MYH10: variants seen among roughly 807,000 people sequenced by gnomAD.
MYH10 encodes the protein myosin heavy chain 10, also known as myosin-10.
Under a neutral mutation model 257.8 loss-of-function variants are expected in MYH10, and 55 were observed. The observed-to-expected ratio is 0.21, with a 90% CI of 0.17 to 0.27. MYH10 has a LOEUF of 0.27. Among genes scored for constraint, MYH10 ranks in the 10% least tolerant of loss-of-function variants. MYH10 has a pLI of 1.00. For synonymous variants in MYH10, 854 were observed against 921.7 expected (o/e 0.93, Z 1.33); for missense variants, 1,631 against 2,500.6 (o/e 0.65, Z 7.42).
chr17:8,622,085 T>C (rs1276792090), intron 2 of MYH10, among the ~76,000 whole-genome samples: 1 of 152,208 alleles, frequency 6.6e-6, no homozygotes, highest in Non-Finnish European at 1.5e-5. Context: ...TTGTGTAAAA[T>C]TCAACACCCC....
intron 14 of MYH10, among the ~76,000 whole-genome samples, chr17:8,541,230 A>G (rs2082280533): frequency 6.6e-6 from 1 of 152,228 alleles, no homozygotes; most frequent in Non-Finnish European, 1.5e-5. Context: ...AGTGGCAACC[A>G]GAGATTGAGC....
intron 25 of MYH10, among the ~76,000 whole-genome samples, chr17:8,509,527 C>T (rs2081188575): frequency 1.3e-5 from 2 of 152,216 alleles, no homozygotes; most frequent in South Asian, 4.1e-4. Context: ...TGAATTAATG[C>T]TTGCACAGAT....
rs575428249 is a variant in MYH10 at position 8,571,967 on chromosome 17, T to A, written c.664-2155A>T. Among the ~76,000 whole-genome samples, 5 of 151,418 alleles carry A rather than the reference T, an allele frequency of 3.3e-5. No individual in the cohort carries two copies. The East Asian group carries it at 7.8e-4, about 24-fold the overall frequency. On this transcript the variant is annotated intron_variant, in intron 6 of 42. Coordinates refer to ENST00000360416, the MANE Select transcript of MYH10 (RefSeq NM_001256012.3). ...CCTAATTCAATCTATGTGATGAGAA[T>A]GTGGAAACTTGGAAAAACACTGGCA...
chr17:8,523,580 G>C (rs2081731377), intron 17 of MYH10, among the ~76,000 whole-genome samples: 1 of 152,158 alleles, frequency 6.6e-6, no homozygotes, highest in Admixed American at 6.5e-5. Context: ...CACGGAGGAG[G>C]AGGCACCAGT....
intron 30 of MYH10, among the ~76,000 whole-genome samples, chr17:8,496,029 A>G (rs1916562005): frequency 6.6e-6 from 1 of 152,188 alleles, no homozygotes; most frequent in Non-Finnish European, 1.5e-5. Context: ...TTAGGTTTCA[A>G]AAAACTGGTA....
rs1412925043 is a variant in MYH10, at chr17:8,546,539, C to A, written c.1278+5G>T. On this transcript the variant is annotated splice_donor_5th_base_variant and intron_variant, in intron 12 of 42. Coordinates refer to ENST00000360416, the MANE Select transcript of MYH10 (RefSeq NM_001256012.3). ...ATCAGTAATAACAATGAACATGAAA[C>A]CTACCTGTTCTTTGGTCTGGGCTTT... is the stretch of plus-strand genomic sequence containing the variant. 5.0e-6 allele frequency: 8 copies of A among 1,607,650 alleles called. No individual in the cohort carries two copies. Among genetic ancestry groups the A allele is most frequent in the Non-Finnish European group, 6.8e-6 (8 of 1,174,840 alleles).
chr17:8,496,609 C>A (rs984019494), intron 30 of MYH10, among the ~76,000 whole-genome samples: 5 of 152,216 alleles, frequency 3.3e-5, no homozygotes, highest in African/African-American at 1.2e-4. Flanking sequence ...CCTCCCTTCC[C>A]CGCCGTAGGC....
chr17:8,614,275 TC>T (rs2085157441), intron 2 of MYH10, among the ~76,000 whole-genome samples: 1 of 147,096 alleles, frequency 6.8e-6, no homozygotes, highest in African/African-American at 2.5e-5. Context: ...AACCTGAAGA[TC>T]CCCTAGATTT....
At chr17:8,599,249 ACAC>A (rs761003726) in intron 3 of MYH10, among the ~76,000 whole-genome samples, 50 of 152,228 alleles carry the variant, frequency 3.3e-4, no homozygotes, top group Admixed American at 4.6e-4. Context: ...TATGGAATAG[ACAC>A]CACATTTGTA....
At chr17:8,597,864 C>A (rs545001214) in intron 3 of MYH10, among the ~76,000 whole-genome samples, 1 of 152,026 alleles carries the variant, frequency 6.6e-6, no homozygotes, top group African/African-American at 2.4e-5. Context: ...ATGATCCACC[C>A]GCCCCAGCCT....
At chr17:8,495,069 T>C in intron 31 of MYH10, 68 bp downstream of exon 31, 1 of 972,776 alleles carries the variant, frequency 1.0e-6, no homozygotes. Flanking sequence ...GGGGCCAGCA[T>C]ATTTCACCAG....
rs78610483 is a variant in MYH10 at position 8,561,011 on chromosome 17, T to C, written c.757-6993A>G. ...CTTAACCACCAAATCATTCTTTCTGTAGCTCAGGAGAGCATCCCTCCATCC... is the reference window on the plus strand; with the variant it reads ...CTTAACCACCAAATCATTCTTTCTGCAGCTCAGGAGAGCATCCCTCCATCC... On this transcript the variant is annotated intron_variant, in intron 7 of 42. Transcript: ENST00000360416. 105 of 539,542 alleles carry C rather than the reference T, an allele frequency of 1.9e-4. 2 individuals are homozygous for C. The East Asian group carries it at 3.5e-3, about 18-fold the overall frequency. 33.4% of individuals were successfully genotyped at this position (539,542 alleles called of 1,614,324 possible).
chr17:8,600,727 G>A (rs900853086), intron 3 of MYH10, among the ~76,000 whole-genome samples: 1 of 152,050 alleles, frequency 6.6e-6, no homozygotes, highest in Non-Finnish European at 1.5e-5. Context: ...ATGGAGGTGC[G>A]GCTTTTCCAA....
intron 3 of MYH10, among the ~76,000 whole-genome samples, chr17:8,590,099 T>G (rs954518075): frequency 6.6e-6 from 1 of 152,200 alleles, no homozygotes; most frequent in South Asian, 2.1e-4. Context: ...TGCTATGCTG[T>G]GCTTTCTTTT....
At chr17:8,583,238 C>T (rs2083774699) in intron 4 of MYH10, among the ~76,000 whole-genome samples, 1 of 152,168 alleles carries the variant, frequency 6.6e-6, no homozygotes, top group Admixed American at 6.6e-5. Flanking sequence ...TTGCCTAGAA[C>T]ATTTTACATT....
Position 8,478,349 on chromosome 17 carries a change from A to G in MYH10, c.5695T>C (p.Tyr1899His), listed in dbSNP as rs1913051922. 1 of 1,613,648 alleles carries G rather than the reference A, an allele frequency of 6.2e-7. No homozygotes were observed. The highest frequency in any genetic ancestry group is 8.5e-7 in the Non-Finnish European group (1 of 1,179,786). ...ACTTCCTCGCGTACCTGCTCTTTAT[A>G]CTGGTCCGCGTGTCGACGCTCATCC... The part of the protein sequence containing the change: ...VEDERRHADQ[Y>H]KEQMEKANAR... The change falls in exon 41 of 43, where the codon TAT (tyrosine) becomes CAT (histidine). Residue 1899 changes from tyrosine to histidine, a missense_variant. Tyr to His is a moderately conservative substitution (Grantham distance 83). Transcript: ENST00000360416.
At chr17:8,550,710 T>G (rs1597805743) in intron 9 of MYH10, among the ~76,000 whole-genome samples, 7 of 149,794 alleles carry the variant, frequency 4.7e-5, no homozygotes, top group Admixed American at 1.3e-4. Flanking sequence ...GCGGGAGGGG[T>G]GGGGAAGGGA....
intron 7 of MYH10, among the ~76,000 whole-genome samples, chr17:8,559,740 TA>T (rs1397027929): frequency 6.6e-6 from 1 of 152,180 alleles, no homozygotes; most frequent in Non-Finnish European, 1.5e-5. Context: ...AGATTTAAGT[TA>T]AAAAGCTATC....
At chr17:8,541,584 A>G (rs570999617) in intron 14 of MYH10, among the ~76,000 whole-genome samples, 1 of 152,276 alleles carries the variant, frequency 6.6e-6, no homozygotes, top group East Asian at 1.9e-4. Context: ...CCACCAAGAA[A>G]AGAGTTTCTG....
Sources: gnomAD v4.1 joint callset for allele counts (sites outside exome capture counted in the v4.1 genomes callset) on GRCh38, gnomAD v4.1.1 for gene constraint, MANE v1.5 for transcripts, NCBI Gene and HGNC (gene_info 2026-07-23, HGNC 2026-07-21) for gene names.